GPM6A: variants seen among roughly 807,000 people sequenced by gnomAD.
GPM6A encodes the protein neuronal membrane glycoprotein M6-a.
Under a neutral mutation model 32.1 loss-of-function variants are expected in GPM6A, and 7 were observed. The ratio of observed to expected loss-of-function variants is 0.22; its 90% CI spans 0.12 to 0.41. GPM6A has a LOEUF of 0.41. Among genes scored for constraint, GPM6A ranks in the 10% least tolerant of loss-of-function variants. The pLI, the probability that GPM6A is intolerant of heterozygous loss-of-function variation, is 1.00. For missense variants in GPM6A, 235 were observed against 347.2 expected (o/e 0.68, Z 2.57); for synonymous variants, 130 against 123.4 (o/e 1.05, Z -0.35).
At chr4:175,957,484 G>A (rs1740024832) in intron 1 of GPM6A, among the ~76,000 whole-genome samples, 1 of 146,970 alleles carries the variant, frequency 6.8e-6, no homozygotes, top group African/African-American at 2.5e-5. Flanking sequence ...AATGCCACAT[G>A]TTCTCACTCA....
intron 1 of GPM6A, among the ~76,000 whole-genome samples, chr4:175,768,825 G>A (rs541079782): frequency 3.3e-4 from 51 of 152,258 alleles, no homozygotes; most frequent in African/African-American, 1.2e-3. Flanking sequence ...GCCGGGTACG[G>A]TGGCTCACAT....
chr4:175,725,295 GT>G (rs34600738), intron 1 of GPM6A, among the ~76,000 whole-genome samples: 100,598 of 130,248 alleles, frequency 0.77, 38,463 homozygotes, highest in Non-Finnish European at 0.84. Flanking sequence ...TTGGGTTTTT[GT>G]TTTTTTTTTT....
intron 2 of GPM6A, among the ~76,000 whole-genome samples, chr4:175,678,129 C>G (rs898368127): frequency 6.6e-6 from 1 of 152,146 alleles, no homozygotes. Context: ...CAGAGACACA[C>G]TCACACATAT....
intron 1 of GPM6A, among the ~76,000 whole-genome samples, chr4:175,994,941 G>A (rs752223466): frequency 3.3e-5 from 5 of 152,218 alleles, no homozygotes; most frequent in East Asian, 1.9e-4. Context: ...TTTACCAGAA[G>A]TAAATTCCAT....
At chr4:175,826,108 C>T (rs1227391545) in intron 1 of GPM6A, among the ~76,000 whole-genome samples, 3 of 151,768 alleles carry the variant, frequency 2.0e-5, no homozygotes, top group Non-Finnish European at 2.9e-5. Flanking sequence ...TGTAGTGAGC[C>T]ATGTTCATGT....
At chr4:175,815,549 G>T (rs150421208), upstream of GPM6A, among the ~76,000 whole-genome samples, 5 of 151,832 alleles carry the variant, frequency 3.3e-5, no homozygotes, top group African/African-American at 9.7e-5. Flanking sequence ...CCATTGTATC[G>T]TATTGTATTT....
At chr4:175,678,445 A>G (rs943460466) in intron 2 of GPM6A, among the ~76,000 whole-genome samples, 1 of 152,148 alleles carries the variant, frequency 6.6e-6, no homozygotes, top group African/African-American at 2.4e-5. Flanking sequence ...ATTATATACA[A>G]GAGCAAAATG....
At chr4:175,789,636 C>A (rs1427198686) in intron 1 of GPM6A, among the ~76,000 whole-genome samples, 2 of 152,158 alleles carry the variant, frequency 1.3e-5, no homozygotes, top group Non-Finnish European at 1.5e-5. Flanking sequence ...AATTTTCTAT[C>A]TCCAAATTTT....
chr4:175,895,973 C>T lies in GPM6A; in HGVS notation c.-22-83724G>A, dbSNP rs190773315. Among the ~76,000 whole-genome samples the T allele has an allele frequency of 3.5e-4, 54 of 152,242 alleles. 1 individual carries two copies. The highest frequency in any genetic ancestry group is 1.3e-3 in the African/African-American group (52 of 41,538). On this transcript the variant is annotated intron_variant, in intron 1 of 7. Transcript: ENST00000280187. The stretch of plus-strand genomic sequence containing the variant: ...TAATCCTGAATCTCTCCATCTGTGG[C>T]CTTTTCCTATGACCTTTACTAAGCA...
At chr4:175,648,073 T>G (rs575126250) in intron 4 of GPM6A, among the ~76,000 whole-genome samples, 1 of 152,270 alleles carries the variant, frequency 6.6e-6, no homozygotes, top group South Asian at 2.1e-4. Context: ...ATATTTATGC[T>G]TTACATAGTA....
chr4:175,791,109 T>C (rs1289236922), intron 1 of GPM6A, among the ~76,000 whole-genome samples: 1 of 152,190 alleles, frequency 6.6e-6, no homozygotes, highest in African/African-American at 2.4e-5. Context: ...TCACAATTTA[T>C]AATCATGTTA....
chr4:175,924,839 C>CAAAAAAAAAA (rs1190915755), intron 1 of GPM6A, among the ~76,000 whole-genome samples: 1 of 61,994 alleles, frequency 1.6e-5, no homozygotes, highest in African/African-American at 4.5e-5. Flanking sequence ...AAATCTGTCT[C>CAAAAAAAAAA]AAAAAAAAAA....
intron 1 of GPM6A, among the ~76,000 whole-genome samples, chr4:175,837,016 A>T (rs376382004): frequency 2.0e-4 from 31 of 152,276 alleles, no homozygotes; most frequent in Admixed American, 9.8e-4. Context: ...ATATGGGAGG[A>T]TTATCTTGGG....
At chr4:175,791,768 C>A (rs1027444762) in intron 1 of GPM6A, among the ~76,000 whole-genome samples, 6 of 152,132 alleles carry the variant, frequency 3.9e-5, no homozygotes, top group African/African-American at 7.2e-5. Flanking sequence ...TTCACACACA[C>A]ACGCACACAC....
intron 1 of GPM6A, among the ~76,000 whole-genome samples, chr4:175,732,500 TTATC>T (rs1222270754): frequency 6.6e-6 from 1 of 152,174 alleles, no homozygotes; most frequent in East Asian, 1.9e-4. Context: ...GTCATTAAAT[TTATC>T]TATATAATCT....
At chr4:175,974,914 G>A (rs931238554) in intron 1 of GPM6A, among the ~76,000 whole-genome samples, 5 of 152,090 alleles carry the variant, frequency 3.3e-5, no homozygotes, top group African/African-American at 1.2e-4. Flanking sequence ...AAACTCCTGG[G>A]CTCAAGTGAT....
chr4:175,918,300 A>G (rs1017687572), intron 1 of GPM6A, among the ~76,000 whole-genome samples: 1 of 152,222 alleles, frequency 6.6e-6, no homozygotes, highest in Admixed American at 6.5e-5. Context: ...AAGGATATGT[A>G]AAGTTTTGCT....
chr4:175,706,429 A>C (rs1030996060), intron 1 of GPM6A, among the ~76,000 whole-genome samples: 1 of 152,346 alleles, frequency 6.6e-6, no homozygotes, highest in East Asian at 1.9e-4. Flanking sequence ...GAGACAGACA[A>C]CAAAGAAGAG....
intron 1 of GPM6A, among the ~76,000 whole-genome samples, chr4:175,847,013 C>T (rs10520312): frequency 0.34 from 52,196 of 151,882 alleles, 8,957 homozygotes; most frequent in African/African-American, 0.36. Context: ...CAAGAATCAA[C>T]GAATCTCCCT....
Sources: gnomAD v4.1 joint callset for allele counts (sites outside exome capture counted in the v4.1 genomes callset) on GRCh38, gnomAD v4.1.1 for gene constraint, MANE v1.5 for transcripts, NCBI Gene and HGNC (gene_info 2026-07-23, HGNC 2026-07-21) for gene names.